NLGN1: variants seen among roughly 807,000 people sequenced by gnomAD.
NLGN1 encodes neuroligin-1.
NLGN1 carries 12 observed loss-of-function variants against 65.5 expected under a neutral mutation model. The observed-to-expected ratio is 0.18, with a 90% CI of 0.12 to 0.30. NLGN1 has a LOEUF of 0.30. Ranked by LOEUF, NLGN1 falls within the 10% of genes least tolerant of loss-of-function variation. NLGN1 has a pLI of 1.00. For synonymous variants in NLGN1, 350 were observed against 359.5 expected (o/e 0.97, Z 0.30); for missense variants, 750 against 1,007.1 (o/e 0.74, Z 3.46).
intron 4 of NLGN1, among the ~76,000 whole-genome samples, chr3:174,241,857 A>T (rs2152831638): frequency 6.6e-6 from 1 of 152,028 alleles, no homozygotes; most frequent in East Asian, 2.0e-4. Flanking sequence ...ACGGGGTTTC[A>T]CCGTGTTAGC....
intron 4 of NLGN1, among the ~76,000 whole-genome samples, chr3:173,829,477 G>A (rs2150581612): frequency 7.8e-6 from 1 of 128,900 alleles, no homozygotes; most frequent in Non-Finnish European, 1.7e-5. Context: ...TATACATTGT[G>A]TACTGATTAC....
At chr3:173,487,718 T>C (rs1728397271) in intron 2 of NLGN1, among the ~76,000 whole-genome samples, 1 of 152,070 alleles carries the variant, frequency 6.6e-6, no homozygotes, top group Admixed American at 6.6e-5. Context: ...CTCTAATATT[T>C]CTTTTTGCCA....
At chr3:173,546,736 TAAC>T (rs1272242639) in intron 2 of NLGN1, among the ~76,000 whole-genome samples, 3 of 152,176 alleles carry the variant, frequency 2.0e-5, no homozygotes, top group Non-Finnish European at 2.9e-5. Flanking sequence ...AATGAAATGA[TAAC>T]AACTGTCAAG....
chr3:173,448,999 T>C (rs1720947733), intron 2 of NLGN1, among the ~76,000 whole-genome samples: 1 of 152,164 alleles, frequency 6.6e-6, no homozygotes, highest in African/African-American at 2.4e-5. Flanking sequence ...TTTGTTGATC[T>C]TTTCAAAAAA....
chr3:174,222,516 C>A (rs1193287170), intron 4 of NLGN1, among the ~76,000 whole-genome samples: 1 of 152,118 alleles, frequency 6.6e-6, no homozygotes, highest in African/African-American at 2.4e-5. Context: ...ATATTTCTTA[C>A]AAATCAAATC....
chr3:174,054,115 G>A (rs1482677810), intron 4 of NLGN1, among the ~76,000 whole-genome samples: 3 of 152,008 alleles, frequency 2.0e-5, no homozygotes, highest in Non-Finnish European at 1.5e-5. Flanking sequence ...TAGCTTCTTT[G>A]TGAACTATAG....
intron 4 of NLGN1, among the ~76,000 whole-genome samples, chr3:174,135,681 G>A (rs1721077643): frequency 6.6e-6 from 1 of 151,666 alleles, no homozygotes; most frequent in Admixed American, 6.6e-5. Context: ...AGGGAATACA[G>A]GATCCAGTGC....
intron 4 of NLGN1, among the ~76,000 whole-genome samples, chr3:174,081,849 G>A (rs1340543566): frequency 6.6e-6 from 1 of 152,102 alleles, no homozygotes; most frequent in African/African-American, 2.4e-5. Flanking sequence ...GGGATTACAG[G>A]CATGAGCCAC....
At chr3:173,947,370 A>G (rs1024387870) in intron 4 of NLGN1, among the ~76,000 whole-genome samples, 2 of 152,138 alleles carry the variant, frequency 1.3e-5, no homozygotes, top group Admixed American at 1.3e-4. Context: ...GATAAGAACA[A>G]TAATAATGGC....
chr3:173,770,359 C>G (rs1021340731), intron 3 of NLGN1, among the ~76,000 whole-genome samples: 3 of 152,098 alleles, frequency 2.0e-5, no homozygotes, highest in Admixed American at 2.0e-4. Context: ...GCACAGATAA[C>G]GTTGGTTGAT....
intron 3 of NLGN1, among the ~76,000 whole-genome samples, chr3:173,666,371 T>G (rs185501090): frequency 6.6e-6 from 1 of 152,128 alleles, no homozygotes; most frequent in African/African-American, 2.4e-5. Context: ...CTCAGATGTA[T>G]TTTCCCCAAA....
chr3:173,729,123 C>T (rs759765393), intron 3 of NLGN1, among the ~76,000 whole-genome samples: 1 of 151,966 alleles, frequency 6.6e-6, no homozygotes, highest in Non-Finnish European at 1.5e-5. Context: ...AAACCCAGGT[C>T]ATACTGGTAG....
At chr3:173,741,621 T>A (rs1774661685) in intron 3 of NLGN1, among the ~76,000 whole-genome samples, 1 of 152,110 alleles carries the variant, frequency 6.6e-6, no homozygotes, top group Non-Finnish European at 1.5e-5. Flanking sequence ...GCCTTCCAAG[T>A]AGCTGGGATT....
chr3:173,702,284 G>C (rs1329585854), intron 3 of NLGN1, among the ~76,000 whole-genome samples: 3 of 151,980 alleles, frequency 2.0e-5, no homozygotes, highest in Non-Finnish European at 2.9e-5. Flanking sequence ...ATAAGAAATG[G>C]GGTAAAAGTG....
intron 2 of NLGN1, among the ~76,000 whole-genome samples, chr3:173,535,138 A>C (rs913100905): frequency 6.6e-6 from 1 of 152,212 alleles, no homozygotes; most frequent in African/African-American, 2.4e-5. Context: ...GTAGAAAAAA[A>C]CAGATATTTC....
chr3:174,154,805 ATAAAGATATTGTAGATAGATATAT>A (rs1395821542), intron 4 of NLGN1, among the ~76,000 whole-genome samples: 2 of 135,110 alleles, frequency 1.5e-5, no homozygotes, highest in Non-Finnish European at 1.5e-5. Flanking sequence ...TATGTTGTAG[ATAAAGATATTGTAGATAGATATAT>A]AGATATTGTA....
At chr3:173,969,048 A>C (rs1360669784) in intron 4 of NLGN1, among the ~76,000 whole-genome samples, 1 of 139,434 alleles carries the variant, frequency 7.2e-6, no homozygotes, top group Non-Finnish European at 1.5e-5. Flanking sequence ...ATGAGAAAAG[A>C]ATATGCAAGA....
At chr3:173,517,541 AAT>A (rs1734003139) in intron 2 of NLGN1, among the ~76,000 whole-genome samples, 1 of 152,032 alleles carries the variant, frequency 6.6e-6, no homozygotes, top group South Asian at 2.1e-4. Flanking sequence ...TATATTTCAC[AAT>A]ATAAGTATAT....
chr3:174,006,620 A>T lies in NLGN1; in HGVS notation c.646+198788A>T, dbSNP rs114384734. On this transcript the variant is annotated intron_variant, in intron 4 of 6. Transcript: ENST00000457714. ...ATTTTATTCTATCTATTCATCTAGTAATAGACCTCAATTGTGGACAAAAAT... is the reference window on the plus strand; with the variant it reads ...ATTTTATTCTATCTATTCATCTAGTTATAGACCTCAATTGTGGACAAAAAT... Among the ~76,000 whole-genome samples the T allele has an allele frequency of 8.0e-3, 1,225 of 152,258 alleles. 16 individuals are homozygous for T. The highest frequency in any genetic ancestry group is 0.028 in the African/African-American group (1,155 of 41,540).
Sources: gnomAD v4.1 joint callset for allele counts (sites outside exome capture counted in the v4.1 genomes callset) on GRCh38, gnomAD v4.1.1 for gene constraint, MANE v1.5 for transcripts, NCBI Gene and HGNC (gene_info 2026-07-23, HGNC 2026-07-21) for gene names.